Variants in MED12L observed in about 807,000 individuals in gnomAD.
MED12L encodes the protein mediator of RNA polymerase II transcription subunit 12-like protein.
In MED12L, 60 loss-of-function variants were observed where a neutral mutation model predicts 281.3. That is an observed-to-expected ratio of 0.21 (90% confidence interval 0.17 to 0.26). The LOEUF (loss-of-function observed/expected upper bound fraction) is 0.26, where lower values mean the gene tolerates loss of function less well. Ranked by LOEUF, MED12L falls within the 10% of genes least tolerant of loss-of-function variation. The pLI is 1.00. For synonymous variants in MED12L, 974 were observed against 987.2 expected (o/e 0.99, Z 0.25); for missense variants, 2,146 against 2,680.9 (o/e 0.80, Z 4.41).
At chr3:151,294,311 ATT>A in intron 16 of MED12L, 1 of 1,614,134 alleles carries the variant, frequency 6.2e-7, no homozygotes, top group Non-Finnish European at 8.5e-7. Context: ...AAAGTAAATT[ATT>A]GGATCCAGGC....
chr3:151,367,002 G>C (rs989873786), intron 23 of MED12L, among the ~76,000 whole-genome samples: 2 of 152,116 alleles, frequency 1.3e-5, no homozygotes, highest in Non-Finnish European at 2.9e-5. Context: ...CATATGGTGC[G>C]AATCAGTATG....
chr3:151,149,753 T>C (rs551050304), intron 5 of MED12L, among the ~76,000 whole-genome samples: 1 of 152,246 alleles, frequency 6.6e-6, no homozygotes, highest in Non-Finnish European at 1.5e-5. Flanking sequence ...CAACGAAGTT[T>C]ATGGAATATT....
intron 16 of MED12L, among the ~76,000 whole-genome samples, chr3:151,210,702 A>G (rs1727028061): frequency 6.6e-6 from 1 of 152,220 alleles, no homozygotes; most frequent in African/African-American, 2.4e-5. Flanking sequence ...CCATTAGCAT[A>G]TTCTATCTGC....
chr3:151,096,468 A>G (rs1030556313), intron 2 of MED12L, among the ~76,000 whole-genome samples: 4 of 151,742 alleles, frequency 2.6e-5, no homozygotes, highest in African/African-American at 2.4e-5. Flanking sequence ...ATGGCAAGAG[A>G]CAAAGAGCAG....
At chr3:151,150,513 CA>C (rs1167441160) in intron 5 of MED12L, among the ~76,000 whole-genome samples, 1 of 152,114 alleles carries the variant, frequency 6.6e-6, no homozygotes, top group Non-Finnish European at 1.5e-5. Context: ...TAGGCTTTTC[CA>C]AATGGTGAAT....
At chr3:151,357,899 A>G (rs1754123182) in intron 20 of MED12L, among the ~76,000 whole-genome samples, 1 of 152,216 alleles carries the variant, frequency 6.6e-6, no homozygotes, top group African/African-American at 2.4e-5. Context: ...AAGTTGAGCT[A>G]CAGAATTAGC....
intron 39 of MED12L, among the ~76,000 whole-genome samples, chr3:151,404,155 C>T (rs911420414): frequency 6.6e-5 from 10 of 152,058 alleles, no homozygotes; most frequent in Admixed American, 1.3e-4. Context: ...AAGAAGGTTC[C>T]GTGATTTCTA....
chr3:151,129,935 A>G (rs906968562), intron 5 of MED12L, among the ~76,000 whole-genome samples: 2 of 151,994 alleles, frequency 1.3e-5, no homozygotes, highest in Non-Finnish European at 2.9e-5. Flanking sequence ...TGCCTGGCTA[A>G]TTCTTTAATG....
At chr3:151,351,834 G>A (rs927288398) in intron 17 of MED12L, among the ~76,000 whole-genome samples, 1 of 152,128 alleles carries the variant, frequency 6.6e-6, no homozygotes, top group Non-Finnish European at 1.5e-5. Context: ...TCTGTTGAGC[G>A]TACTAACTTC....
chr3:151,430,294 TAC>T lies in MED12L; in HGVS notation c.6409-3_6409-2del, dbSNP rs763942761. 1 of 1,614,128 alleles carries T rather than the reference TAC, an allele frequency of 6.2e-7. No homozygotes were observed. The highest frequency in any genetic ancestry group is 1.1e-5 in the South Asian group (1 of 91,074). ...TTTCTGTCCTTTCTCCTGTCGCCAT[TAC>T]AGTTTCCCAGGCAAGGCTTGCAGCA... On this transcript the variant is annotated splice_polypyrimidine_tract_variant and splice_region_variant and intron_variant, in intron 43 of 44. Coordinates refer to ENST00000687756, the MANE Select transcript of MED12L (RefSeq NM_001393769.1).
intron 11 of MED12L, among the ~76,000 whole-genome samples, chr3:151,171,322 C>G (rs1721401364): frequency 6.6e-6 from 1 of 152,152 alleles, no homozygotes; most frequent in Non-Finnish European, 1.5e-5. Context: ...CAGACCACTT[C>G]CTTCCTCTTG....
chr3:151,355,564 C>T (rs982193463), intron 18 of MED12L, among the ~76,000 whole-genome samples: 9 of 152,014 alleles, frequency 5.9e-5, no homozygotes, highest in Admixed American at 2.0e-4. Flanking sequence ...TAAAATACTA[C>T]GACATTGAGA....
rs888291883 is a variant in MED12L at position 151,368,315 on chromosome 3, A to G, written c.3550+64A>G. ...GGTAGCTAAAGTTTCTAAAATGACC[A>G]AATAGGCTGTCCCTTTCTGTAATTG... On this transcript the variant is annotated intron_variant, in intron 25 of 44. Transcript: ENST00000687756. 3.6e-6 allele frequency: 5 copies of G among 1,391,408 alleles called. No homozygotes were observed. In the African/African-American group the frequency reaches 4.3e-5, roughly 12 times the overall value. 86.2% of individuals were successfully genotyped at this position (1,391,408 alleles called of 1,614,324 possible). A position where few individuals can be genotyped will look rare whatever the true frequency, so the allele number is the denominator to read the frequency against.
chr3:151,202,656 C>T (rs1178727580), intron 16 of MED12L, among the ~76,000 whole-genome samples: 4 of 152,122 alleles, frequency 2.6e-5, no homozygotes, highest in South Asian at 2.1e-4. Context: ...GGTGAAAAAG[C>T]GAGACTCCTC....
At chr3:151,171,279 G>A (rs1721394693) in intron 11 of MED12L, among the ~76,000 whole-genome samples, 1 of 152,158 alleles carries the variant, frequency 6.6e-6, no homozygotes, top group Admixed American at 6.5e-5. Flanking sequence ...AGCAGCTGGA[G>A]GAGGAGTTGC....
At chr3:151,106,933 G>A (rs1722147398) in intron 2 of MED12L, among the ~76,000 whole-genome samples, 1 of 152,062 alleles carries the variant, frequency 6.6e-6, no homozygotes, top group South Asian at 2.1e-4. Flanking sequence ...TATATTTAAA[G>A]TATAGCCTGT....
chr3:151,412,361 C>T (rs918267857), intron 41 of MED12L, among the ~76,000 whole-genome samples: 1 of 152,210 alleles, frequency 6.6e-6, no homozygotes, highest in African/African-American at 2.4e-5. Context: ...GCAGTTCGTT[C>T]TTGTGGCTAG....
intron 16 of MED12L, among the ~76,000 whole-genome samples, chr3:151,264,777 ATG>A (rs1553763006): frequency 6.6e-6 from 1 of 151,918 alleles, no homozygotes; most frequent in Non-Finnish European, 1.5e-5. Context: ...GTGTGTGTGT[ATG>A]TGTGTGTGTG....
intron 16 of MED12L, among the ~76,000 whole-genome samples, chr3:151,232,127 G>A (rs1180534073): frequency 2.0e-5 from 3 of 152,084 alleles, no homozygotes; most frequent in South Asian, 4.1e-4. Flanking sequence ...TTACTTTCCT[G>A]TGGGGTCTCC....
Sources: gnomAD v4.1 joint callset for allele counts (sites outside exome capture counted in the v4.1 genomes callset) on GRCh38, gnomAD v4.1.1 for gene constraint, MANE v1.5 for transcripts, NCBI Gene and HGNC (gene_info 2026-07-23, HGNC 2026-07-21) for gene names.